CDYL: variants seen among roughly 807,000 people sequenced by gnomAD.
CDYL encodes chromodomain Y like.
A neutral mutation model predicts 47.3 loss-of-function variants in CDYL; 8 were observed. The ratio of observed to expected loss-of-function variants is 0.17; its 90% confidence interval spans 0.10 to 0.31. CDYL has a LOEUF of 0.31. Among genes scored for constraint, CDYL ranks in the 10% least tolerant of loss-of-function variants. The probability of loss-of-function intolerance (pLI) is 1.00; values close to 1 mark genes in which losing one functional copy is unlikely to be tolerated. For missense variants in CDYL, 471 were observed against 701.4 expected (o/e 0.67, Z 3.71); for synonymous variants, 266 against 265.0 (o/e 1.00, Z -0.04).
intron 1 of CDYL, among the ~76,000 whole-genome samples, chr6:4,788,665 C>A (rs1748020884): frequency 6.6e-6 from 1 of 151,642 alleles, no homozygotes; most frequent in Non-Finnish European, 1.5e-5. Flanking sequence ...CCTGAGCCCT[C>A]ACTCTCCTGG....
chr6:4,829,742 A>T (rs1760082272), intron 1 of CDYL, among the ~76,000 whole-genome samples: 1 of 152,178 alleles, frequency 6.6e-6, no homozygotes, highest in African/African-American at 2.4e-5. Context: ...GCCCAAGTTC[A>T]GATGTCGTGC....
intron 1 of CDYL, among the ~76,000 whole-genome samples, chr6:4,789,546 A>C (rs919822879): frequency 3.9e-5 from 6 of 152,140 alleles, no homozygotes; most frequent in African/African-American, 1.4e-4. Flanking sequence ...CCAGTGATTC[A>C]AACTTAAATG....
At chr6:4,718,374 G>A (rs941816516) in intron 2 of CDYL, among the ~76,000 whole-genome samples, 1 of 151,956 alleles carries the variant, frequency 6.6e-6, no homozygotes, top group Non-Finnish European at 1.5e-5. Context: ...TGCCTCCTGG[G>A]TTCAAATGAT....
intron 1 of CDYL, among the ~76,000 whole-genome samples, chr6:4,816,566 T>G (rs1228506755): frequency 6.6e-6 from 1 of 151,286 alleles, no homozygotes; most frequent in Non-Finnish European, 1.5e-5. Context: ...TAGCACAGTC[T>G]TGGCTCACTG....
At chr6:4,846,117 A>C (rs116780555) in intron 1 of CDYL, among the ~76,000 whole-genome samples, 3,482 of 152,100 alleles carry the variant, frequency 0.023, 136 homozygotes, top group African/African-American at 0.079. Context: ...TGTGAATACT[A>C]CAATTTTATA....
intron 2 of CDYL, among the ~76,000 whole-genome samples, chr6:4,900,828 T>C (rs1459726696): frequency 1.2e-4 from 12 of 99,378 alleles, no homozygotes; most frequent in African/African-American, 3.6e-4. Flanking sequence ...TATATATATA[T>C]ATCTTGCCTG....
intron 2 of CDYL, among the ~76,000 whole-genome samples, chr6:4,905,590 T>A (rs1170393095): frequency 6.6e-6 from 1 of 152,164 alleles, no homozygotes; most frequent in Non-Finnish European, 1.5e-5. Context: ...AGTCATAAAA[T>A]TCATGTTTGA....
intron 1 of CDYL, among the ~76,000 whole-genome samples, chr6:4,841,865 T>C (rs983047830): frequency 1.3e-5 from 2 of 151,478 alleles, no homozygotes; most frequent in Non-Finnish European, 2.9e-5. Flanking sequence ...GAATGTATAT[T>C]CTGCAGTTGT....
chr6:4,892,297 G>T lies in CDYL; in HGVS notation c.609G>T (p.Arg203Ser). ...PGAERARMGS[R>S]PRIHPLVPQV... ...CCGAGAGGGCCAGGATGGGGAGCAG[G>T]CCCAGGATACACCCACTAGTGCCTC... The change falls in exon 2 of 7, where the codon AGG becomes AGT. Residue 203 changes from arginine (R) to serine (S), a missense_variant. Physicochemically the swap from Arg to Ser is moderately radical, Grantham distance 110. Coordinates refer to ENST00000397588, the MANE Select transcript of CDYL (RefSeq NM_004824.4). 1.2e-6 allele frequency: 2 copies of T among 1,614,120 alleles called. No individual in the cohort carries two copies. The highest frequency in any genetic ancestry group is 1.7e-6 in the Non-Finnish European group (2 of 1,180,034).
intron 1 of CDYL, among the ~76,000 whole-genome samples, chr6:4,785,738 T>A (rs545698005): frequency 5.7e-4 from 87 of 152,376 alleles, no homozygotes; most frequent in African/African-American, 2.0e-3. Flanking sequence ...TTGGAGACTG[T>A]TGACATTTCC....
intron 4 of CDYL, among the ~76,000 whole-genome samples, chr6:4,939,727 T>C (rs1369048455): frequency 7.2e-5 from 11 of 152,248 alleles, no homozygotes; most frequent in African/African-American, 2.4e-4. Flanking sequence ...TCTCAGCGCC[T>C]CTAAGACAGC....
At chr6:4,899,587 T>A (rs920762921) in intron 2 of CDYL, among the ~76,000 whole-genome samples, 1 of 152,190 alleles carries the variant, frequency 6.6e-6, no homozygotes, top group Non-Finnish European at 1.5e-5. Flanking sequence ...CCCAGTTTCA[T>A]CTCTCTGGTA....
chr6:4,718,787 C>T (rs527574417), intron 2 of CDYL, among the ~76,000 whole-genome samples: 4 of 152,068 alleles, frequency 2.6e-5, no homozygotes, highest in African/African-American at 7.2e-5. Flanking sequence ...CTTTTTCACT[C>T]GATTATGTAT....
intron 2 of CDYL, among the ~76,000 whole-genome samples, chr6:4,894,878 T>TGTGTGTATATATACACAC (rs1561692297): frequency 4.7e-5 from 7 of 148,106 alleles, no homozygotes; most frequent in Non-Finnish European, 7.4e-5. Context: ...TACACACATG[T>TGTGTGTATATATACACAC]GTATGTGTGT....
chr6:4,721,441 G>A (rs1043113540), intron 2 of CDYL, among the ~76,000 whole-genome samples: 5 of 152,004 alleles, frequency 3.3e-5, no homozygotes, highest in South Asian at 2.1e-4. Flanking sequence ...GGAGTGCAGC[G>A]GCATGATCTC....
intron 1 of CDYL, among the ~76,000 whole-genome samples, chr6:4,843,194 T>C (rs1760553523): frequency 6.6e-6 from 1 of 152,190 alleles, no homozygotes; most frequent in Non-Finnish European, 1.5e-5. Flanking sequence ...GCTGTTAATC[T>C]GTTAGGTTTT....
At chr6:4,860,496 AAT>A (rs776034628) in intron 1 of CDYL, among the ~76,000 whole-genome samples, 1 of 147,720 alleles carries the variant, frequency 6.8e-6, no homozygotes, top group Non-Finnish European at 1.5e-5. Flanking sequence ...ACTAATAGGA[AAT>A]ATATATATAT....
chr6:4,712,656 G>A (rs1757172675), intron 1 of CDYL, among the ~76,000 whole-genome samples: 1 of 152,158 alleles, frequency 6.6e-6, no homozygotes, highest in Middle Eastern at 3.2e-3. Flanking sequence ...TTCACACCTG[G>A]AACCACTCTG....
chr6:4,799,450 T>C (rs898822398), intron 1 of CDYL, among the ~76,000 whole-genome samples: 3 of 152,096 alleles, frequency 2.0e-5, no homozygotes, highest in African/African-American at 7.2e-5. Context: ...CCCATTTTTT[T>C]TTTATTTTTT....
Sources: allele counts gnomAD v4.1 joint callset (sites outside exome capture counted in the v4.1 genomes callset), GRCh38; gene constraint gnomAD v4.1.1; transcripts MANE v1.5; gene names NCBI Gene and HGNC (gene_info 2026-07-23, HGNC 2026-07-21).